The following CXCL16 variants were observed in gnomAD, a reference collection of about 807,000 sequenced individuals.
The protein encoded by CXCL16 is C-X-C motif chemokine ligand 16, also known as C-X-C motif chemokine 16.
A neutral mutation model predicts 23.8 loss-of-function variants in CXCL16; 18 were observed. The ratio of observed to expected loss-of-function variants is 0.76; its 90% confidence interval spans 0.52 to 1.12. The LOEUF is 1.12. CXCL16 is among the 50% of genes most tolerant of loss of function. CXCL16 has a pLI of 0.00. For missense variants in CXCL16, 297 were observed against 315.4 expected, an observed-to-expected ratio of 0.94 and a Z score of 0.44; for synonymous variants, 123 against 132.5, an observed-to-expected ratio of 0.93 and a Z score of 0.49.
chr17:4,733,814 CA>C lies in CXCL16; in HGVS notation c.*688del. ...ATTTGGGACGAGGGGGAACCATCAG[CA>C]AAAAATGAAGCCAGGAATCACAGTA... On this transcript the variant is annotated 3_prime_UTR_variant, in exon 6 of 6. Coordinates refer to ENST00000293778, the MANE Select transcript of CXCL16 (RefSeq NM_001386809.1). 1 of 152,638 alleles carries C rather than the reference CA, an allele frequency of 6.6e-6. No individual in the cohort carries two copies. Among genetic ancestry groups the C allele is most frequent in the South Asian group, 2.0e-4 (1 of 4,992 alleles). 9.5% of individuals were successfully genotyped at this position (152,638 alleles called of 1,614,324 possible).
In CXCL16 at chr17:4,738,714, A is replaced by G. The variant is rs2150621800; in HGVS notation, c.218+68T>C. ...GGAAGGAGTTCAGGCTGGACCAGAGAGGGTCCTGGAGGCACCTGCAAGGAG... is the reference window on the plus strand; with the variant it reads ...GGAAGGAGTTCAGGCTGGACCAGAGGGGGTCCTGGAGGCACCTGCAAGGAG... On this transcript the variant is annotated intron_variant, in intron 2 of 5. Coordinates refer to ENST00000293778, the MANE Select transcript of CXCL16 (RefSeq NM_001386809.1). This position sits in a 1 kb window ranked among gnomAD's most constrained non-coding sequence, Gnocchi z 4.0. 6.6e-7 allele frequency: 1 copy of G among 1,513,102 alleles called. No individual in the cohort carries two copies. The highest frequency in any genetic ancestry group is 1.2e-5 in the South Asian group (1 of 86,078). 93.7% of individuals were successfully genotyped at this position (1,513,102 alleles called of 1,614,324 possible).
Position 4,738,765 on chromosome 17 carries a change from G to A in CXCL16, c.218+17C>T, listed in dbSNP as rs370529734. 2 of 1,612,970 alleles carry A rather than the reference G, an allele frequency of 1.2e-6. No homozygotes were observed. The highest frequency in any genetic ancestry group is 8.5e-7 in the Non-Finnish European group (1 of 1,179,264). On this transcript the variant is annotated intron_variant, in intron 2 of 5. Coordinates refer to ENST00000293778, the MANE Select transcript of CXCL16 (RefSeq NM_001386809.1). This position sits in a 1 kb window ranked among gnomAD's most constrained non-coding sequence, Gnocchi z 4.0. ...GGGCCGCCCAGGCGCTGCCCTCGCAGAGGCAGGTAAAATTACCTCGTGTAG... is the reference window on the plus strand; with the variant it reads ...GGGCCGCCCAGGCGCTGCCCTCGCAAAGGCAGGTAAAATTACCTCGTGTAG...
At chr17:4,735,590 A>G (rs1916132662) in intron 3 of CXCL16, 82 bp from the exon 4 acceptor site, 6 of 1,201,440 alleles carry the variant, frequency 5.0e-6, no homozygotes, top group Non-Finnish European at 5.6e-6. Context: ...AGAAAAAGTA[A>G]TATCTTTTCC....
Position 4,738,967 on chromosome 17 carries a change from C to T in CXCL16, c.80-47G>A. 1 of 1,600,322 alleles carries T rather than the reference C, an allele frequency of 6.2e-7. No individual in the cohort carries two copies. Among genetic ancestry groups the T allele is most frequent in the East Asian group, 2.2e-5 (1 of 44,782 alleles). On this transcript the variant is annotated intron_variant, in intron 1 of 5. Coordinates refer to ENST00000293778, the MANE Select transcript of CXCL16 (RefSeq NM_001386809.1). This position sits in a 1 kb window ranked among gnomAD's most constrained non-coding sequence, Gnocchi z 4.0. ...GGCACCCATTCCCAGGCCCAGGGTC[C>T]CCACTCCGCTGTTCCCTGGCATCCA...
chr17:4,738,367 G>T lies in CXCL16; in HGVS notation c.301+41C>A, dbSNP rs371450795. The T allele has an allele frequency of 2.7e-6, 4 of 1,508,684 alleles. No individual in the cohort carries two copies. Among genetic ancestry groups the T allele is most frequent in the Non-Finnish European group, 3.7e-6 (4 of 1,083,816 alleles). 93.5% of individuals were successfully genotyped at this position (1,508,684 alleles called of 1,614,324 possible). On this transcript the variant is annotated intron_variant, in intron 3 of 5. Transcript: ENST00000293778. This position sits in a 1 kb window ranked among gnomAD's most constrained non-coding sequence, Gnocchi z 4.0. ...AAAACTGTCAGGTGGAAGCTGCTAAGCCCTGGAGGCAGAGCCTGAAGAGCA... is the reference window on the plus strand; with the variant it reads ...AAAACTGTCAGGTGGAAGCTGCTAATCCCTGGAGGCAGAGCCTGAAGAGCA...
rs373173069 is a variant in CXCL16, at chr17:4,738,473, C to A, written c.236G>T (p.Trp79Leu). ...GTCCTTGTTGCCCCCACACACGCTC[C>A]AGGAAAGGAGCTGGAACCTGCGGAG... ...LYYTRFQLLS[W>L]SVCGGNKDPW... The change falls in exon 3 of 6, where the codon TGG (tryptophan) becomes TTG (leucine). Residue 79 changes from tryptophan (W) to leucine (L), a missense_variant. Trp to Leu is a moderately conservative substitution (Grantham distance 61). Transcript: ENST00000293778. The surrounding 1 kb of genome is among the most constrained non-coding windows in gnomAD (Gnocchi z 4.0). 3 of 1,613,834 alleles carry A rather than the reference C, an allele frequency of 1.9e-6. No individual in the cohort carries two copies. The highest frequency in any genetic ancestry group is 4.5e-5 in the East Asian group (2 of 44,872).
Position 4,735,502 on chromosome 17 carries a change from C to A in CXCL16, c.308G>T (p.Gly103Val). The A allele has an allele frequency of 1.3e-6, 2 of 1,501,118 alleles. No individual in the cohort carries two copies. Among genetic ancestry groups the A allele is most frequent in the Non-Finnish European group, 1.8e-6 (2 of 1,123,438 alleles). 93.0% of individuals were successfully genotyped at this position (1,501,118 alleles called of 1,614,324 possible). The change falls in exon 4 of 6, where the codon GGA (glycine) becomes GTA (valine). Residue 103 changes from glycine to valine, a missense_variant. Coordinates refer to ENST00000293778, the MANE Select transcript of CXCL16 (RefSeq NM_001386809.1). ...GGCCACAATCCCCGAGTAAGCATGT[C>A]CACATTCTGGAAAGGAAAGAAATGA... ...LMSCLDLKECGHAYSGIVAHQ... is the reference protein window; with the variant it reads ...LMSCLDLKECVHAYSGIVAHQ...
Position 4,739,597 on chromosome 17 carries a change from C to T in CXCL16, c.-258G>A. On this transcript the variant is annotated 5_prime_UTR_variant, in exon 1 of 6. Transcript: ENST00000293778. The surrounding 1 kb of genome is among the most constrained non-coding windows in gnomAD (Gnocchi z 5.3). ...AGGTGGAGCTCCCGCGCCCTGCGCC[C>T]CCGCACTGGGCCCGGCTCCGTCGAG... 1 of 664,992 alleles carries T rather than the reference C, an allele frequency of 1.5e-6. No individual in the cohort carries two copies. Among genetic ancestry groups the T allele is most frequent in the Non-Finnish European group, 2.4e-6 (1 of 418,292 alleles). 41.2% of individuals were successfully genotyped at this position (664,992 alleles called of 1,614,324 possible). A position where few individuals can be genotyped will look rare whatever the true frequency, so the allele number is the denominator to read the frequency against.
At position 4,734,577 on chromosome 17, in the gene CXCL16, GT is replaced by G; in HGVS notation, c.*23+5del. On this transcript the variant is annotated splice_donor_5th_base_variant and intron_variant, in intron 5 of 5. Transcript: ENST00000293778. ...ACACTTTTTGTAAGAATAAGCCACA[GT>G]TTACCCTCACAAGCTTCCATTCTTG... The G allele has an allele frequency of 6.3e-7, 1 of 1,578,936 alleles. No homozygotes were observed. The highest frequency in any genetic ancestry group is 8.7e-7 in the Non-Finnish European group (1 of 1,148,034).
rs1597501101 is a variant in CXCL16 at position 4,739,292 on chromosome 17, A to G, written c.48T>C (p.Leu16=). Reference sequence around the variant, plus strand: ...GAGTCAGGTACACCAGCAGGAGCAGAAGCAGGAGCAGGAGCACGCGGGACC... The same window carrying G: ...GAGTCAGGTACACCAGCAGGAGCAGGAGCAGGAGCAGGAGCACGCGGGACC... The part of the protein sequence containing the change: ...RPGSRVLLLL[L]LLLLVYLTQP... Residue 16 remains leucine (L), a synonymous_variant, in exon 1 of 6, where the codon CTT becomes CTC. Transcript: ENST00000293778. This position sits in a 1 kb window ranked among gnomAD's most constrained non-coding sequence, Gnocchi z 5.3. 1.9e-6 allele frequency: 3 copies of G among 1,610,516 alleles called. No homozygotes were observed. The highest frequency in any genetic ancestry group is 1.7e-4 in the Middle Eastern group (1 of 6,026).
Position 4,739,591 on chromosome 17 carries a change from T to G in CXCL16, c.-252A>C, listed in dbSNP as rs570618745. 4.5e-6 allele frequency: 3 copies of G among 664,456 alleles called. No individual in the cohort carries two copies. Among genetic ancestry groups the G allele is most frequent in the Admixed American group, 3.6e-5 (1 of 28,018 alleles). The allele number at this position is 664,456 out of a possible 1,614,324, so 41.2% of individuals were successfully genotyped here. A position where few individuals can be genotyped will look rare whatever the true frequency, so the allele number is the denominator to read the frequency against. The stretch of plus-strand genomic sequence containing the variant: ...CCGAGGAGGTGGAGCTCCCGCGCCC[T>G]GCGCCCCCGCACTGGGCCCGGCTCC... On this transcript the variant is annotated 5_prime_UTR_variant, in exon 1 of 6. Transcript: ENST00000293778. This position sits in a 1 kb window ranked among gnomAD's most constrained non-coding sequence, Gnocchi z 5.3.
chr17:4,734,627 C>T lies in CXCL16; in HGVS notation c.744G>A (p.Val248=). 8 of 1,612,236 alleles carry T rather than the reference C, an allele frequency of 5.0e-6. No homozygotes were observed. The highest frequency in any genetic ancestry group is 6.8e-6 in the Non-Finnish European group (8 of 1,178,412). ...SPDLPVHYIP[V]APDSNT ...TGGCTCAGGTATTAGAGTCAGGTGC[C>T]ACAGGTATATAATGAACCGGCAGAT... The change falls in exon 5 of 6, where the codon GTG becomes GTA. Residue 248 remains valine, a synonymous_variant. Transcript: ENST00000293778.
chr17:4,738,271 T>C lies in CXCL16; in HGVS notation c.301+137A>G. ...CGTTTGGCAAACAGGGACTCGAGTC[T>C]AAGTACTTTGGACAGGATCAGAAGA... On this transcript the variant is annotated intron_variant, in intron 3 of 5. Coordinates refer to ENST00000293778, the MANE Select transcript of CXCL16 (RefSeq NM_001386809.1). The surrounding 1 kb of genome is among the most constrained non-coding windows in gnomAD (Gnocchi z 4.0). The C allele has an allele frequency of 1.5e-6, 1 of 674,220 alleles. No individual in the cohort carries two copies. Among genetic ancestry groups the C allele is most frequent in the Non-Finnish European group, 2.6e-6 (1 of 386,662 alleles). The allele number at this position is 674,220 out of a possible 1,614,324, so 41.8% of individuals were successfully genotyped here.
At chr17:4,736,489 C>G (rs1178466051) in intron 3 of CXCL16, 1 of 152,168 alleles carries the variant, frequency 6.6e-6, no homozygotes, top group Non-Finnish European at 1.5e-5. Flanking sequence ...ATCAGAAGAC[C>G]AGGGTTGGAT....
chr17:4,737,347 G>GTTGCCT, intron 3 of CXCL16, among the ~76,000 whole-genome samples: 1 of 150,918 alleles, frequency 6.6e-6, no homozygotes. Context: ...GGAGGCTGAG[G>GTTGCCT]CAGGTGGATC....
Position 4,739,272 on chromosome 17 carries a change from A to C in CXCL16, c.68T>G (p.Leu23Arg), listed in dbSNP as rs143565057. 3 of 1,605,238 alleles carry C rather than the reference A, an allele frequency of 1.9e-6. No homozygotes were observed. The Admixed American group carries it at 5.1e-5, about 27-fold the overall frequency. The change falls in exon 1 of 6, where the codon CTG becomes CGG. Residue 23 changes from leucine to arginine, a missense_variant. By Grantham distance (102) the Leu-to-Arg change is moderately radical. Coordinates refer to ENST00000293778, the MANE Select transcript of CXCL16 (RefSeq NM_001386809.1). This position sits in a 1 kb window ranked among gnomAD's most constrained non-coding sequence, Gnocchi z 5.3. Reference sequence around the variant, plus strand: ...CGCCCCCGGCTAACCTGGCTGAGTCAGGTACACCAGCAGGAGCAGAAGCAG... The same window carrying C: ...CGCCCCCGGCTAACCTGGCTGAGTCCGGTACACCAGCAGGAGCAGAAGCAG... ...LLLLLLLLVY[L>R]TQPGNGNEGS...
chr17:4,734,613 T>G lies in CXCL16; in HGVS notation c.758A>C (p.Asn253Thr). 1 of 1,611,312 alleles carries G rather than the reference T, an allele frequency of 6.2e-7. No homozygotes were observed. Among genetic ancestry groups the G allele is most frequent in the Non-Finnish European group, 8.5e-7 (1 of 1,177,484 alleles). Reference protein sequence around the residue: ...VHYIPVAPDSNT With the variant: ...VHYIPVAPDSTT ...CAAGCTTCCATTCTTGGCTCAGGTA[T>G]TAGAGTCAGGTGCCACAGGTATATA... The change falls in exon 5 of 6, where the codon AAT becomes ACT. Residue 253 changes from asparagine to threonine, a missense_variant. Coordinates refer to ENST00000293778, the MANE Select transcript of CXCL16 (RefSeq NM_001386809.1).
intron 4 of CXCL16, 79 bp from the exon 5 acceptor site, chr17:4,734,731 A>C: frequency 8.2e-7 from 1 of 1,219,036 alleles, no homozygotes. Context: ...GAACTAGGGA[A>C]TCAGATGAAG....
Position 4,735,193 on chromosome 17 carries a change from A to C in CXCL16, c.617T>G (p.Val206Gly). The change falls in exon 4 of 6, where the codon GTG becomes GGG. Residue 206 changes from valine to glycine, a missense_variant. Val to Gly is a moderately radical substitution (Grantham distance 109). Coordinates refer to ENST00000293778, the MANE Select transcript of CXCL16 (RefSeq NM_001386809.1). ...GATGGCCAGGAGGCACAGGACTGGC[A>C]CTGTGGCTGATGTCCTGGCTGTGGG... ...AGPTARTSATVPVLCLLAIIF... is the reference protein window; with the variant it reads ...AGPTARTSATGPVLCLLAIIF... The C allele has an allele frequency of 1.2e-6, 2 of 1,614,144 alleles. No homozygotes were observed. The highest frequency in any genetic ancestry group is 1.1e-5 in the South Asian group (1 of 91,088).
Sources: allele counts gnomAD v4.1 joint callset (sites outside exome capture counted in the v4.1 genomes callset), GRCh38; gene constraint gnomAD v4.1.1; non-coding constraint Gnocchi (gnomAD v3.1); transcripts MANE v1.5; gene names NCBI Gene and HGNC (gene_info 2026-07-23, HGNC 2026-07-21).